The following MIER2 variants were observed in gnomAD, a reference collection of about 807,000 sequenced individuals.
The protein encoded by MIER2 is mesoderm induction early response protein 2.
In MIER2, 30 loss-of-function variants were observed where a neutral mutation model predicts 67.6. The observed-to-expected ratio is 0.44, with a 90% CI of 0.33 to 0.60. The LOEUF is 0.60. MIER2 is among the 20% of genes least tolerant of loss of function. The pLI, the probability that MIER2 is intolerant of heterozygous loss-of-function variation, is 0.02. For missense variants in MIER2, 702 were observed against 745.1 expected (o/e 0.94, Z 0.67); for synonymous variants, 372 against 312.6 (o/e 1.19, Z -2.00).
At chr19:315,257 C>T (rs992715010) in intron 7 of MIER2, among the ~76,000 whole-genome samples, 2 of 151,920 alleles carry the variant, frequency 1.3e-5, no homozygotes, top group African/African-American at 2.4e-5. Context: ...CTCCGCTACT[C>T]GGGAGGCTGA....
chr19:315,490 CG>C (rs1269786061), intron 7 of MIER2, among the ~76,000 whole-genome samples: 8 of 152,210 alleles, frequency 5.3e-5, no homozygotes, highest in Non-Finnish European at 1.0e-4. Context: ...ATGGACAAAA[CG>C]CCGGAGAGTC....
chr19:313,768 A>C, intron 7 of MIER2, 125 bp from the exon 8 acceptor site: 2 of 1,356,596 alleles, frequency 1.5e-6, no homozygotes, highest in South Asian at 1.4e-5. Flanking sequence ...TCCCTTTCCC[A>C]AGCCCTGGGC....
In MIER2 at chr19:327,161, G is replaced by C. The variant is rs1357383734; in HGVS notation, c.465C>G (p.Ala155=). 1.3e-6 allele frequency: 2 copies of C among 1,591,374 alleles called. No homozygotes were observed. Among genetic ancestry groups the C allele is most frequent in the Non-Finnish European group, 1.7e-6 (2 of 1,173,816 alleles). ...CACTCCGGTTAGGGAAGAGGTCGGA[G>C]GCCTCGTGGGAGGTCACGGACGGGG... ...DLTPSVTSHE[A]SDLFPNRSGS... is the part of the protein sequence containing the mutation. Residue 155 remains alanine, a synonymous_variant, in exon 5 of 14, where the codon GCC becomes GCG. Transcript: ENST00000264819.
At chr19:310,748 G>T (rs182531568) in intron 10 of MIER2, among the ~76,000 whole-genome samples, 1 of 132,884 alleles carries the variant, frequency 7.5e-6, no homozygotes, top group African/African-American at 3.1e-5. Flanking sequence ...AACACAGCCC[G>T]GAGCTACAGA....
In MIER2 at chr19:307,175, G is replaced by A. The variant is rs1970688459; in HGVS notation, c.1560C>T (p.Phe520=). The A allele has an allele frequency of 1.9e-6, 3 of 1,588,778 alleles. No homozygotes were observed. The highest frequency in any genetic ancestry group is 1.8e-5 in the Admixed American group (1 of 56,292). The part of the protein sequence containing the change: ...GLIGIGDVNP[F]LAAHPTCPAP... ...CCGGGCACGTGGGGTGGGCGGCCAG[G>A]AAGGGGTTCACGTCCCCAATGCCGA... is the stretch of plus-strand genomic sequence containing the variant. The change falls in exon 13 of 14, where the codon TTC becomes TTT. Residue 520 remains phenylalanine (F), a synonymous_variant. Transcript: ENST00000264819.
At chr19:325,546 C>T in intron 7 of MIER2, 89 bp downstream of exon 7, 1 of 1,483,678 alleles carries the variant, frequency 6.7e-7, no homozygotes, top group African/African-American at 1.4e-5. Flanking sequence ...GGGCGGGGAC[C>T]TGACCAGACT....
intron 7 of MIER2, among the ~76,000 whole-genome samples, chr19:322,363 A>C (rs1166567019): frequency 2.6e-5 from 4 of 152,218 alleles, no homozygotes; most frequent in Non-Finnish European, 5.9e-5. Flanking sequence ...TATTCAAATA[A>C]TGATTGATAA....
chr19:336,195 G>A, intron 1 of MIER2, 22 bp from the exon 2 acceptor site: 2 of 1,604,266 alleles, frequency 1.2e-6, no homozygotes, highest in Middle Eastern at 1.8e-4. Flanking sequence ...GAGAGGCAGG[G>A]TTAGCTCGGC....
rs748805717 is a variant in MIER2 at position 311,879 on chromosome 19, T to C, written c.950A>G (p.His317Arg). 11 of 1,614,082 alleles carry C rather than the reference T, an allele frequency of 6.8e-6. No individual in the cohort carries two copies. Among genetic ancestry groups the C allele is most frequent in the Non-Finnish European group, 9.3e-6 (11 of 1,179,960 alleles). Reference sequence around the variant, plus strand: ...CTGGATCAGGTGAAAGTTCTTTCCATGCACACGGAAGCCGTGCTCAAAGTT... The same window carrying C: ...CTGGATCAGGTGAAAGTTCTTTCCACGCACACGGAAGCCGTGCTCAAAGTT... ...CRNFEHGFRV[H>R]GKNFHLIQAN... Residue 317 changes from histidine (H) to arginine (R), a missense_variant, in exon 10 of 14, where the codon CAT becomes CGT. Around this residue, in one of 3 missense-constraint regions of MIER2, gnomAD observed 128 missense variants for 189.7 expected, o/e 0.67. Transcript: ENST00000264819.
intron 1 of MIER2, 113 bp from the exon 2 acceptor site, chr19:336,286 G>C (rs1044150283): frequency 1.2e-6 from 1 of 833,964 alleles, no homozygotes. Context: ...CAGTGACCAG[G>C]GAAGGGGCTT....
At chr19:331,361 A>AC (rs1568234071) in intron 3 of MIER2, among the ~76,000 whole-genome samples, 2 of 110,002 alleles carry the variant, frequency 1.8e-5, no homozygotes, top group Non-Finnish European at 3.7e-5. Context: ...CTGTCCCCAG[A>AC]AAAAAAAAAA....
intron 1 of MIER2, among the ~76,000 whole-genome samples, chr19:339,185 G>A (rs1972391784): frequency 6.6e-6 from 1 of 151,082 alleles, no homozygotes; most frequent in South Asian, 2.1e-4. Context: ...TGAGAGAATA[G>A]GAGAAAATAT....
intron 1 of MIER2, among the ~76,000 whole-genome samples, chr19:338,581 C>CA (rs61220145): frequency 0.19 from 28,985 of 152,052 alleles, 4,226 homozygotes; most frequent in African/African-American, 0.4. Context: ...GAGCCGATTT[C>CA]AAAAGCATAT....
chr19:333,812 C>A (rs1213351938), intron 3 of MIER2, among the ~76,000 whole-genome samples: 1 of 150,024 alleles, frequency 6.7e-6, no homozygotes, highest in East Asian at 2.0e-4. Context: ...CCTCAGCCTC[C>A]CGAGTAGCTG....
intron 10 of MIER2, 131 bp from the exon 11 acceptor site, chr19:309,056 G>GC (rs1276682888): frequency 2.3e-6 from 3 of 1,318,774 alleles, no homozygotes; most frequent in Non-Finnish European, 3.1e-6. Flanking sequence ...CTCAGATAAC[G>GC]CAAGACCCCC....
chr19:325,629 A>T lies in MIER2; in HGVS notation c.655+6T>A, dbSNP rs1231718046. 7 of 1,614,112 alleles carry T rather than the reference A, an allele frequency of 4.3e-6. No homozygotes were observed. The highest frequency in any genetic ancestry group is 5.9e-6 in the Non-Finnish European group (7 of 1,179,994). ...GTTTCGCCTCCTCTCCCCAGGCCCT[A>T]CTTACTCTTCTCACAGTGCCGGTTC... On this transcript the variant is annotated splice_donor_region_variant and intron_variant, in intron 7 of 13. Coordinates refer to ENST00000264819, the MANE Select transcript of MIER2 (RefSeq NM_017550.3).
At chr19:320,145 C>T (rs72984464) in intron 7 of MIER2, among the ~76,000 whole-genome samples, 7,692 of 151,950 alleles carry the variant, frequency 0.051, 302 homozygotes, top group Non-Finnish European at 0.074. Flanking sequence ...GGGGCTGAGG[C>T]GGACAGATCA....
Position 326,563 on chromosome 19 carries a change from A to G in MIER2, c.529T>C (p.Ser177Pro). ...TCCTCGGTGTCGGAGGAGGCAGAAG[A>G]GCCAGGCTCTCTGTCTTCATCAGCC... ...FLADEDREPG[S>P]SASSDTEEDS... is the part of the protein sequence containing the mutation. The change falls in exon 6 of 14, where the codon TCT (serine) becomes CCT (proline). Residue 177 changes from serine to proline, a missense_variant. By Grantham distance (74) the Ser-to-Pro change is moderately conservative. This residue lies in a region of MIER2 where 320 missense variants were observed against 292.6 expected (regional missense o/e 1.09). Coordinates refer to ENST00000264819, the MANE Select transcript of MIER2 (RefSeq NM_017550.3). 3 of 1,614,112 alleles carry G rather than the reference A, an allele frequency of 1.9e-6. No homozygotes were observed. The highest frequency in any genetic ancestry group is 2.5e-6 in the Non-Finnish European group (3 of 1,179,964).
Position 334,559 on chromosome 19 carries a change from A to C in MIER2, c.101-17T>G, listed in dbSNP as rs367690030. On this transcript the variant is annotated splice_polypyrimidine_tract_variant and intron_variant, in intron 2 of 13. Coordinates refer to ENST00000264819, the MANE Select transcript of MIER2 (RefSeq NM_017550.3). ...TGGACACCACTGGGGAGAAGAGAGC[A>C]GCCCAGGTGAGCACCGTGCCTCGCC... The C allele has an allele frequency of 4.5e-5, 72 of 1,611,982 alleles. No homozygotes were observed. The highest frequency in any genetic ancestry group is 4.4e-4 in the African/African-American group (33 of 75,032).
Sources: gnomAD v4.1 joint callset for allele counts (sites outside exome capture counted in the v4.1 genomes callset) on GRCh38, gnomAD v4.1.1 for gene constraint, gnomAD v4.1.1 regional missense constraint, MANE v1.5 for transcripts, NCBI Gene and HGNC (gene_info 2026-07-23, HGNC 2026-07-21) for gene names.